Variants in APBB2 observed in about 807,000 individuals in gnomAD.
APBB2 encodes the protein Fe65-like 1.
Under a neutral mutation model 82.5 loss-of-function variants are expected in APBB2, and 38 were observed. That is an observed-to-expected ratio of 0.46 (90% CI 0.36 to 0.60). APBB2 has a LOEUF of 0.60. APBB2 is among the 20% of genes least tolerant of loss of function. APBB2 has a pLI of 0.00. For missense variants in APBB2, 772 were observed against 972.3 expected, an observed-to-expected ratio of 0.79 and a Z score of 2.74; for synonymous variants, 341 against 368.2, an observed-to-expected ratio of 0.93 and a Z score of 0.85.
At chr4:41,155,286 T>G (rs901940293) in intron 1 of APBB2, among the ~76,000 whole-genome samples, 2 of 152,202 alleles carry the variant, frequency 1.3e-5, no homozygotes, top group African/African-American at 4.8e-5. Context: ...GTACATTAAC[T>G]CAGGGGGAAA....
At chr4:40,924,916 T>G (rs1782222872) in intron 10 of APBB2, among the ~76,000 whole-genome samples, 2 of 152,242 alleles carry the variant, frequency 1.3e-5, no homozygotes, top group African/African-American at 4.8e-5. Flanking sequence ...TAAAAGCATT[T>G]GCTGAAAATG....
chr4:41,185,041 T>C (rs1772509120), intron 1 of APBB2, among the ~76,000 whole-genome samples: 1 of 152,210 alleles, frequency 6.6e-6, no homozygotes, highest in Non-Finnish European at 1.5e-5. Flanking sequence ...AGTGTAATCT[T>C]ACTGAGGGCA....
chr4:40,870,946 C>G (rs943857068), intron 12 of APBB2, among the ~76,000 whole-genome samples: 1 of 151,944 alleles, frequency 6.6e-6, no homozygotes, highest in Non-Finnish European at 1.5e-5. Context: ...GGGGATCTAC[C>G]CGCCTTGGCC....
At chr4:40,926,341 G>C (rs1782597511) in intron 10 of APBB2, among the ~76,000 whole-genome samples, 1 of 152,208 alleles carries the variant, frequency 6.6e-6, no homozygotes, top group African/African-American at 2.4e-5. Context: ...TGGACCACAA[G>C]TCTGGATGAG....
chr4:41,137,572 A>G (rs916916197), intron 2 of APBB2, among the ~76,000 whole-genome samples: 1 of 152,220 alleles, frequency 6.6e-6, no homozygotes, highest in African/African-American at 2.4e-5. Flanking sequence ...TTTAGTGAAG[A>G]CACTGCATCT....
intron 3 of APBB2, among the ~76,000 whole-genome samples, chr4:41,096,176 G>A (rs549061815): frequency 6.6e-6 from 1 of 152,250 alleles, no homozygotes; most frequent in East Asian, 1.9e-4. Flanking sequence ...ATGACTGCTC[G>A]TCCTTTGCAT....
intron 12 of APBB2, among the ~76,000 whole-genome samples, chr4:40,862,993 C>A (rs1385188353): frequency 6.6e-6 from 1 of 152,024 alleles, no homozygotes; most frequent in Admixed American, 6.6e-5. Flanking sequence ...GGGGGCTGTA[C>A]ATTGAGGATT....
chr4:40,906,484 A>G (rs28436249), intron 10 of APBB2, among the ~76,000 whole-genome samples: 13,278 of 139,404 alleles, frequency 0.095, 766 homozygotes, highest in Middle Eastern at 0.14. Context: ...AAAAAAAAAA[A>G]AAAAGAAAAG....
At chr4:40,914,942 A>G (rs1779483850) in intron 10 of APBB2, among the ~76,000 whole-genome samples, 1 of 152,178 alleles carries the variant, frequency 6.6e-6, no homozygotes, top group South Asian at 2.1e-4. Flanking sequence ...TACTGACTAG[A>G]ACCTTCAGGA....
chr4:41,164,541 C>T (rs1765995356), intron 1 of APBB2, among the ~76,000 whole-genome samples: 1 of 152,208 alleles, frequency 6.6e-6, no homozygotes, highest in Non-Finnish European at 1.5e-5. Context: ...AATAGTTTCC[C>T]TTTGTACCAG....
At chr4:41,058,577 G>A (rs1225871449) in intron 4 of APBB2, among the ~76,000 whole-genome samples, 2 of 152,174 alleles carry the variant, frequency 1.3e-5, no homozygotes, top group Non-Finnish European at 2.9e-5. Flanking sequence ...GACATGCACA[G>A]AAAGTTATCT....
At chr4:41,170,215 T>C (rs1274749204) in intron 1 of APBB2, among the ~76,000 whole-genome samples, 1 of 139,866 alleles carries the variant, frequency 7.1e-6, no homozygotes. Context: ...AACTATTTCT[T>C]TTTTTCTTTT....
At chr4:40,828,583 T>C (rs1162980580) in intron 13 of APBB2, among the ~76,000 whole-genome samples, 1 of 151,736 alleles carries the variant, frequency 6.6e-6, no homozygotes, top group Non-Finnish European at 1.5e-5. Context: ...GGCAAGGACT[T>C]TTTTTTTTCT....
chr4:41,044,030 G>A (rs79481384), intron 4 of APBB2, among the ~76,000 whole-genome samples: 1,729 of 152,208 alleles, frequency 0.011, 27 homozygotes, highest in African/African-American at 0.039. Context: ...CATGGTATCT[G>A]GTTTTCATTC....
chr4:40,866,898 T>G (rs546796770), intron 12 of APBB2, among the ~76,000 whole-genome samples: 1 of 152,038 alleles, frequency 6.6e-6, no homozygotes, highest in African/African-American at 2.4e-5. Flanking sequence ...TTTGTATTTT[T>G]AGTAGAATAC....
chr4:41,025,863 G>A (rs1329961621), intron 5 of APBB2, among the ~76,000 whole-genome samples: 10 of 149,698 alleles, frequency 6.7e-5, no homozygotes, highest in African/African-American at 2.2e-4. Flanking sequence ...GGGGGGTAGG[G>A]GTTGGGGGGT....
At chr4:41,162,616 G>C (rs1218896181) in intron 1 of APBB2, among the ~76,000 whole-genome samples, 1 of 152,168 alleles carries the variant, frequency 6.6e-6, no homozygotes, top group Non-Finnish European at 1.5e-5. Flanking sequence ...TACTTTGGGA[G>C]GCTGTGGTGG....
intron 1 of APBB2, among the ~76,000 whole-genome samples, chr4:41,192,989 GGCA>G (rs1774905509): frequency 1.3e-5 from 2 of 152,166 alleles, no homozygotes; most frequent in Admixed American, 1.3e-4. Flanking sequence ...ACAGGTTAAA[GGCA>G]CCATTTGATT....
In APBB2 at chr4:41,130,781, C is replaced by T. The variant is rs536829680; in HGVS notation, c.-261+12206G>A. Among the ~76,000 whole-genome samples the T allele has an allele frequency of 5.9e-5, 9 of 152,238 alleles. 1 individual carries two copies. The South Asian group carries it at 1.9e-3, about 32-fold the overall frequency. ...GCCCTCCCCACTTCTGCTCCCCATC[C>T]GCCCTCCCTTCTCTCCATGGCCCTA... On this transcript the variant is annotated intron_variant, in intron 2 of 17. Transcript: ENST00000508593.
Sources: allele counts gnomAD v4.1 joint callset (sites outside exome capture counted in the v4.1 genomes callset), GRCh38; gene constraint gnomAD v4.1.1; transcripts MANE v1.5; gene names NCBI Gene and HGNC (gene_info 2026-07-23, HGNC 2026-07-21).